PLCL1: variants seen among roughly 807,000 people sequenced by gnomAD.
PLCL1 encodes phospholipase C like 1 (inactive).
Under a neutral mutation model 84.4 loss-of-function variants are expected in PLCL1, and 41 were observed. The observed-to-expected ratio is 0.49, with a 90% CI of 0.38 to 0.63. The LOEUF (loss-of-function observed/expected upper bound fraction) is 0.63, where lower values mean the gene tolerates loss of function less well. PLCL1 is among the 30% of genes least tolerant of loss of function. The pLI is 0.00. For missense variants in PLCL1, 1,206 were observed against 1,367.8 expected (o/e 0.88, Z 1.87); for synonymous variants, 490 against 488.3 (o/e 1.00, Z -0.05).
intron 1 of PLCL1, among the ~76,000 whole-genome samples, chr2:197,907,651 T>C (rs1190153748): frequency 2.0e-5 from 3 of 152,208 alleles, no homozygotes; most frequent in Admixed American, 6.5e-5. Context: ...TGTGTTCCAG[T>C]ATCTCTCTCA....
At chr2:197,933,810 TATA>T (rs1285265589) in intron 1 of PLCL1, among the ~76,000 whole-genome samples, 3 of 152,206 alleles carry the variant, frequency 2.0e-5, no homozygotes, top group South Asian at 2.1e-4. Flanking sequence ...TAATTGTCTA[TATA>T]ATAATTGTCT....
intron 1 of PLCL1, among the ~76,000 whole-genome samples, chr2:198,013,659 G>C (rs1321976514): frequency 1.3e-5 from 2 of 152,088 alleles, no homozygotes; most frequent in African/African-American, 4.8e-5. Flanking sequence ...GTGGCGATTA[G>C]ACCAATTATA....
At position 198,141,560 on chromosome 2, in the gene PLCL1, G is replaced by A. The variant is rs529293338; in HGVS notation, c.3106-5220G>A. 1.1e-4 allele frequency among the ~76,000 whole-genome samples: 16 copies of A among 151,778 alleles called. No individual in the cohort carries two copies. In the East Asian group the frequency reaches 3.1e-3, roughly 29 times the overall value. ...AATTTCTCAAATGAAGGACATTGTA[G>A]CAGTTGTTTTACCTCTTCAGAGCAA... is the stretch of plus-strand genomic sequence containing the variant. On this transcript the variant is annotated intron_variant, in intron 5 of 5. Coordinates refer to ENST00000428675, the MANE Select transcript of PLCL1 (RefSeq NM_006226.4).
intron 1 of PLCL1, among the ~76,000 whole-genome samples, chr2:197,897,191 C>CTTCTT (rs1688165568): frequency 1.6e-4 from 5 of 32,246 alleles, no homozygotes; most frequent in African/African-American, 3.5e-4. Flanking sequence ...TTCTTCTTCT[C>CTTCTT]CTTCTCCTTC....
At chr2:197,958,717 A>G (rs550222300) in intron 1 of PLCL1, among the ~76,000 whole-genome samples, 8 of 152,030 alleles carry the variant, frequency 5.3e-5, no homozygotes, top group Non-Finnish European at 1.0e-4. Context: ...TTACATGCCA[A>G]CTATGTATGA....
rs114162593 is a variant in PLCL1, at chr2:197,961,881, T to A, written c.241-121877T>A. On this transcript the variant is annotated intron_variant, in intron 1 of 5. Transcript: ENST00000428675. The stretch of plus-strand genomic sequence containing the variant: ...GAATGGAAAGTAACAAGAAATATAC[T>A]GTGTTTTAGAATATAAATAAATGGA... Among the ~76,000 whole-genome samples, 676 of 152,224 alleles carry A rather than the reference T, an allele frequency of 4.4e-3. 5 individuals carry two copies. The highest frequency in any genetic ancestry group is 0.016 in the African/African-American group (649 of 41,554).
At chr2:198,069,161 GTTT>G (rs536388625) in intron 1 of PLCL1, among the ~76,000 whole-genome samples, 1 of 144,228 alleles carries the variant, frequency 6.9e-6, no homozygotes, top group Non-Finnish European at 1.5e-5. Flanking sequence ...CCACCTGGCA[GTTT>G]TTTTTTTTTT....
At chr2:197,954,674 A>G (rs1168780363) in intron 1 of PLCL1, among the ~76,000 whole-genome samples, 1 of 152,060 alleles carries the variant, frequency 6.6e-6, no homozygotes, top group Non-Finnish European at 1.5e-5. Flanking sequence ...TTTGTAAGTG[A>G]TAGTAGCTAC....
At chr2:197,959,450 A>C (rs1288129143) in intron 1 of PLCL1, among the ~76,000 whole-genome samples, 2 of 152,008 alleles carry the variant, frequency 1.3e-5, no homozygotes, top group Non-Finnish European at 2.9e-5. Flanking sequence ...CCCATCCAAA[A>C]AATATTCACC....
At chr2:198,023,683 A>C (rs1691193637) in intron 1 of PLCL1, among the ~76,000 whole-genome samples, 1 of 152,268 alleles carries the variant, frequency 6.6e-6, no homozygotes, top group Non-Finnish European at 1.5e-5. Context: ...AATGCAAATT[A>C]AAACCATAAT....
At chr2:198,044,326 T>C (rs1314518396) in intron 1 of PLCL1, among the ~76,000 whole-genome samples, 1 of 152,186 alleles carries the variant, frequency 6.6e-6, no homozygotes, top group African/African-American at 2.4e-5. Context: ...GTGATTTCCA[T>C]GGAGCACAAT....
chr2:198,107,750 T>C (rs1440089994), intron 5 of PLCL1, among the ~76,000 whole-genome samples: 1 of 151,920 alleles, frequency 6.6e-6, no homozygotes, highest in African/African-American at 2.4e-5. Context: ...TTCAAATTAT[T>C]CCAAGAGAGA....
intron 5 of PLCL1, among the ~76,000 whole-genome samples, chr2:198,138,930 T>G (rs1000633965): frequency 2.0e-5 from 3 of 152,004 alleles, no homozygotes; most frequent in Non-Finnish European, 4.4e-5. Context: ...CCAAGGCAGG[T>G]GGATCACCTG....
intron 1 of PLCL1, among the ~76,000 whole-genome samples, chr2:197,839,809 C>A (rs955898180): frequency 5.9e-5 from 9 of 152,002 alleles, no homozygotes; most frequent in Non-Finnish European, 1.2e-4. Flanking sequence ...TTTTTGCTTC[C>A]CATTAGCCAA....
At chr2:198,051,188 C>G (rs1691920474) in intron 1 of PLCL1, among the ~76,000 whole-genome samples, 1 of 151,946 alleles carries the variant, frequency 6.6e-6, no homozygotes. Context: ...ACAAGAGGAA[C>G]AAATACAGGG....
intron 1 of PLCL1, among the ~76,000 whole-genome samples, chr2:198,046,821 A>G (rs1462336776): frequency 1.3e-5 from 2 of 152,190 alleles, no homozygotes; most frequent in East Asian, 3.8e-4. Context: ...CCTGGGCAAC[A>G]GAGTGAGACC....
At chr2:197,850,026 A>C (rs1365470674) in intron 1 of PLCL1, among the ~76,000 whole-genome samples, 1 of 130,338 alleles carries the variant, frequency 7.7e-6, no homozygotes, top group African/African-American at 3.0e-5. Flanking sequence ...ACACAGACAC[A>C]CACAGACACA....
intron 1 of PLCL1, among the ~76,000 whole-genome samples, chr2:198,011,687 T>C (rs1200461189): frequency 3.3e-5 from 5 of 152,126 alleles, no homozygotes; most frequent in African/African-American, 1.2e-4. Flanking sequence ...ATTCTGTTGA[T>C]AACTGAGAGT....
chr2:198,066,195 C>A, intron 1 of PLCL1, among the ~76,000 whole-genome samples: 1 of 152,180 alleles, frequency 6.6e-6, no homozygotes, highest in East Asian at 1.9e-4. Context: ...CTTAAGTTAT[C>A]TCATTCAGCC....
Sources: gnomAD v4.1 joint callset for allele counts (sites outside exome capture counted in the v4.1 genomes callset) on GRCh38, gnomAD v4.1.1 for gene constraint, MANE v1.5 for transcripts, NCBI Gene and HGNC (gene_info 2026-07-23, HGNC 2026-07-21) for gene names.